The following SPINK9 variants were observed in gnomAD, a reference collection of about 807,000 sequenced individuals.
SPINK9 encodes the protein serine protease inhibitor Kazal-type 9.
SPINK9 carries 3 observed loss-of-function variants against 10.8 expected under a neutral mutation model. The ratio of observed to expected loss-of-function variants is 0.28; its 90% CI spans 0.13 to 0.72. The LOEUF is 0.72. Ranked by LOEUF, SPINK9 falls within the 30% of genes least tolerant of loss-of-function variation. The pLI is 0.74. For synonymous variants in SPINK9, 30 were observed against 31.2 expected, an observed-to-expected ratio of 0.96 and a Z score of 0.12; for missense variants, 101 against 103.2, an observed-to-expected ratio of 0.98 and a Z score of 0.09.
At chr5:148,335,127 T>C (rs534803748), upstream of SPINK9, among the ~76,000 whole-genome samples, 1 of 152,332 alleles carries the variant, frequency 6.6e-6, no homozygotes, top group East Asian at 1.9e-4. Flanking sequence ...AAGAGCTTCT[T>C]CCAGAGTTTT....
At position 148,327,761 on chromosome 5, in the gene SPINK9, G is replaced by A. The variant is rs1176107004; in HGVS notation, c.118+3893G>A. Among the ~76,000 whole-genome samples the A allele has an allele frequency of 1.4e-3, 219 of 151,614 alleles. 4 individuals are homozygous for A. The highest frequency in any genetic ancestry group is 3.4e-3 in the Middle Eastern group (1 of 292). ...TTCCCAGCACCATTTATTAAATAGG[G>A]AATCCTTTCCCCATTGCTTGTTTTT... On this transcript the variant is annotated intron_variant, in intron 2 of 4. Transcript: ENST00000511717.
chr5:148,338,067 A>G (rs1757239926), intron 2 of SPINK9, among the ~76,000 whole-genome samples: 1 of 152,146 alleles, frequency 6.6e-6, no homozygotes. Context: ...TTATCCCTAC[A>G]TTTCACACTT....
rs1434003781 is a variant in SPINK9, at chr5:148,338,546, A to G, written c.156A>G (p.Pro52=). ...GATTTTGTCATCATATGTATGATCCAATTTGTGGATCTGATGGCAAAACTT... is the reference window on the plus strand; with the variant it reads ...GATTTTGTCATCATATGTATGATCCGATTTGTGGATCTGATGGCAAAACTT... ...QQRFCHHMYD[P]ICGSDGKTYK... Residue 52 remains proline (P), a synonymous_variant, in exon 3 of 4, where the codon CCA becomes CCG. Transcript: ENST00000377906. The G allele has an allele frequency of 6.2e-7, 1 of 1,609,270 alleles. No individual in the cohort carries two copies. Among genetic ancestry groups the G allele is most frequent in the Non-Finnish European group, 8.5e-7 (1 of 1,176,834 alleles).
chr5:148,326,015 G>T (rs1242333529), intron 2 of SPINK9, among the ~76,000 whole-genome samples: 1 of 151,964 alleles, frequency 6.6e-6, no homozygotes, highest in Non-Finnish European at 1.5e-5. Flanking sequence ...AAATCAATTC[G>T]CCATATATCC....
At chr5:148,330,478 T>G (rs1047164987) in intron 2 of SPINK9, among the ~76,000 whole-genome samples, 3 of 152,218 alleles carry the variant, frequency 2.0e-5, no homozygotes, top group Non-Finnish European at 2.9e-5. Context: ...GTCTGTGTCT[T>G]TTAATTGGAG....
intron 2 of SPINK9, 61 bp downstream of exon 2, chr5:148,336,514 G>T: frequency 7.5e-6 from 11 of 1,463,054 alleles, no homozygotes; most frequent in Non-Finnish European, 9.6e-6. Context: ...GGAAATATTT[G>T]ATACTACACA....
intron 3 of SPINK9, among the ~76,000 whole-genome samples, chr5:148,339,127 G>GTT (rs1441758361): frequency 6.6e-6 from 1 of 152,078 alleles, no homozygotes; most frequent in Non-Finnish European, 1.5e-5. Flanking sequence ...CAGAATATAT[G>GTT]TTGGTGCTAT....
rs1561769404 is a variant in SPINK9, at chr5:148,338,519, G to A, written c.129G>A (p.Gln43=). ...ATAAAAAGTTACCACCAGGACAACA[G>A]AGATTTTGTCATCATATGTATGATC... is the stretch of plus-strand genomic sequence containing the variant. ...SHYKKLPPGQ[Q]RFCHHMYDPI... The change falls in exon 3 of 4, where the codon CAG becomes CAA. Residue 43 remains glutamine (Q), a synonymous_variant. Coordinates refer to ENST00000377906, the MANE Select transcript of SPINK9 (RefSeq NM_001040433.2). 6.2e-7 allele frequency: 1 copy of A among 1,610,230 alleles called. No individual in the cohort carries two copies. Among genetic ancestry groups the A allele is most frequent in the Non-Finnish European group, 8.5e-7 (1 of 1,178,384 alleles).
intron 2 of SPINK9, among the ~76,000 whole-genome samples, chr5:148,327,365 T>C (rs1325034619): frequency 1.3e-5 from 2 of 152,182 alleles, no homozygotes; most frequent in Admixed American, 1.3e-4. Context: ...TGTTTTTTTC[T>C]TGTAAATTTG....
chr5:148,324,777 C>A (rs549095158), intron 2 of SPINK9, among the ~76,000 whole-genome samples: 1 of 151,636 alleles, frequency 6.6e-6, no homozygotes, highest in Admixed American at 6.6e-5. Context: ...TTTTTGTACC[C>A]TCAGAGAGAG....
intron 2 of SPINK9, among the ~76,000 whole-genome samples, chr5:148,324,702 G>C (rs1223406251): frequency 6.6e-6 from 1 of 150,830 alleles, no homozygotes; most frequent in Admixed American, 6.6e-5. Context: ...GCATGATCCT[G>C]AATGGGTCTT....
At chr5:148,331,677 A>G (rs1172440348), upstream of SPINK9, among the ~76,000 whole-genome samples, 1 of 152,230 alleles carries the variant, frequency 6.6e-6, no homozygotes, top group East Asian at 1.9e-4. Context: ...TATGTTAACC[A>G]GATTTGATCA....
rs201824427 is a variant in SPINK9 at position 148,335,627 on chromosome 5, C to A, written c.14C>A (p.Ala5Asp). 6.2e-7 allele frequency: 1 copy of A among 1,613,530 alleles called. No individual in the cohort carries two copies. Among genetic ancestry groups the A allele is most frequent in the African/African-American group, 1.3e-5 (1 of 74,902 alleles). Residue 5 changes from alanine to aspartate, a missense_variant, in exon 1 of 4, where the codon GCC (alanine) becomes GAC (aspartate). Ala to Asp is a moderately radical substitution (Grantham distance 126). Transcript: ENST00000377906. ...CACTTCAGTACTATGAGAGCAACAG[C>A]CATAGTCCTACTCTTGGCTCTGACA... MRAT[A>D]IVLLLALTLA...
In SPINK9 at chr5:148,338,484, TG is replaced by T. The variant is rs758000291; in HGVS notation, c.95del (p.Cys32SerfsTer60). 7 of 1,601,320 alleles carry T rather than the reference TG, an allele frequency of 4.4e-6. No individual in the cohort carries two copies. Among genetic ancestry groups the T allele is most frequent in the Non-Finnish European group, 6.0e-6 (7 of 1,175,912 alleles). Reference protein sequence around the residue: ...CAKQTKQMVDCSHYKKLPPGQ... With the variant: ...CAKQTKQMVDXSHYKKLPPGQ... ...TTTTAATATGTTTTTTCAGGTTGAC[TG>T]CAGTCATTATAAAAAGTTACCACCA... On this transcript the variant is annotated frameshift_variant, in exon 3 of 4. Coordinates refer to ENST00000377906, the MANE Select transcript of SPINK9 (RefSeq NM_001040433.2). LOFTEE classifies it high-confidence loss of function.
At chr5:148,332,459 G>A (rs970665748), upstream of SPINK9, among the ~76,000 whole-genome samples, 4 of 152,170 alleles carry the variant, frequency 2.6e-5, no homozygotes, top group South Asian at 2.1e-4. Flanking sequence ...AGTAAATAGC[G>A]ATACCAATAG....
chr5:148,336,323 T>G, intron 1 of SPINK9, 99 bp from the exon 2 acceptor site: 3 of 1,272,776 alleles, frequency 2.4e-6, no homozygotes, highest in Non-Finnish European at 3.4e-6. Flanking sequence ...TACATTTTTA[T>G]GACAGGCTGA....
At chr5:148,332,160 G>A (rs776848673), upstream of SPINK9, among the ~76,000 whole-genome samples, 2 of 152,206 alleles carry the variant, frequency 1.3e-5, no homozygotes, top group Non-Finnish European at 2.9e-5. Flanking sequence ...CTTCCTGACT[G>A]TTGTGTAAAG....
At chr5:148,337,011 C>T (rs184685425) in intron 2 of SPINK9, among the ~76,000 whole-genome samples, 1 of 152,106 alleles carries the variant, frequency 6.6e-6, no homozygotes, top group East Asian at 1.9e-4. Flanking sequence ...GACACTGGGG[C>T]CTGGGAAATT....
chr5:148,332,378 ATTAAG>A (rs1757162683), upstream of SPINK9, among the ~76,000 whole-genome samples: 1 of 152,234 alleles, frequency 6.6e-6, no homozygotes, highest in African/African-American at 2.4e-5. Context: ...CATATTACAA[ATTAAG>A]TTGTTTAATC....
Sources: allele counts gnomAD v4.1 joint callset (sites outside exome capture counted in the v4.1 genomes callset), GRCh38; gene constraint gnomAD v4.1.1; transcripts MANE v1.5; gene names NCBI Gene and HGNC (gene_info 2026-07-23, HGNC 2026-07-21).